Variants in SPARC observed in about 807,000 individuals in gnomAD.
SPARC encodes basement-membrane protein 40.
In SPARC, 23 loss-of-function variants were observed where a neutral mutation model predicts 37.7. The ratio of observed to expected loss-of-function variants is 0.61; its 90% CI spans 0.44 to 0.87. The LOEUF (loss-of-function observed/expected upper bound fraction) is 0.87. Among genes scored for constraint, SPARC ranks in the 40% least tolerant of loss-of-function variants. The pLI is 0.00. For missense variants in SPARC, 312 were observed against 389.0 expected, an observed-to-expected ratio of 0.80 and a Z score of 1.66; for synonymous variants, 155 against 150.8, an observed-to-expected ratio of 1.03 and a Z score of -0.20.
At chr5:151,668,422 G>A (rs1022106406) in intron 6 of SPARC, among the ~76,000 whole-genome samples, 9 of 152,032 alleles carry the variant, frequency 5.9e-5, no homozygotes, top group Non-Finnish European at 1.2e-4. Flanking sequence ...CAAAGTGCTG[G>A]GATTACAGGC....
chr5:151,663,892 G>C (rs1760566640), intron 9 of SPARC, among the ~76,000 whole-genome samples, 195 bp downstream of exon 9: 1 of 152,220 alleles, frequency 6.6e-6, no homozygotes, highest in Non-Finnish European at 1.5e-5. Flanking sequence ...GAAAGAGAGA[G>C]GGACAGTTGG....
At chr5:151,686,771 C>T (rs1007581195) in intron 1 of SPARC, 94 bp downstream of exon 1, 4 of 152,344 alleles carry the variant, frequency 2.6e-5, no homozygotes, top group South Asian at 2.1e-4. Flanking sequence ...CTCAGCAGAG[C>T]TTCCCTCCCT....
chr5:151,665,505 C>T (rs1335308125), intron 8 of SPARC, among the ~76,000 whole-genome samples: 7 of 152,094 alleles, frequency 4.6e-5, no homozygotes, highest in Non-Finnish European at 8.8e-5. Context: ...GAGGAAGTTC[C>T]CTGAGTATGT....
At chr5:151,682,307 G>T (rs1189587519) in intron 1 of SPARC, among the ~76,000 whole-genome samples, 2 of 152,216 alleles carry the variant, frequency 1.3e-5, no homozygotes, top group Non-Finnish European at 2.9e-5. Flanking sequence ...TTTCACTGTG[G>T]CTAGCAGAGG....
Position 151,671,566 on chromosome 5 carries a change from C to A in SPARC, c.330+7G>T. 6.4e-7 allele frequency: 1 copy of A among 1,566,340 alleles called. No individual in the cohort carries two copies. On this transcript the variant is annotated splice_region_variant and intron_variant, in intron 5 of 9. Coordinates refer to ENST00000231061, the MANE Select transcript of SPARC (RefSeq NM_003118.4). ...CCTTCCCCCTGCCCCTGTCTCTCAG[C>A]CCTCACCTTCTCAAACTCGCCAATG...
chr5:151,673,087 A>C (rs767312718), intron 4 of SPARC, 42 bp downstream of exon 4: 2 of 1,444,738 alleles, frequency 1.4e-6, no homozygotes, highest in Non-Finnish European at 2.0e-6. Flanking sequence ...CCAGGCAGCC[A>C]AGGGCAGCTT....
chr5:151,667,676 C>T (rs1438451874), intron 6 of SPARC, 76 bp from the exon 7 acceptor site: 2 of 1,529,788 alleles, frequency 1.3e-6, no homozygotes, highest in African/African-American at 2.7e-5. Context: ...CCCACCCACC[C>T]ACATACCACC....
At chr5:151,684,635 T>G (rs1224714723) in intron 1 of SPARC, among the ~76,000 whole-genome samples, 1 of 149,378 alleles carries the variant, frequency 6.7e-6, no homozygotes, top group Non-Finnish European at 1.5e-5. Flanking sequence ...CTGAGAATGA[T>G]TTCACTAGGT....
At chr5:151,672,784 G>A (rs756148067) in intron 4 of SPARC, 1 of 299,694 alleles carries the variant, frequency 3.3e-6, no homozygotes, top group Non-Finnish European at 6.4e-6. Flanking sequence ...CAGAAGCAAT[G>A]GGAGATTTCG....
chr5:151,667,090 T>C (rs1235790816), intron 7 of SPARC, among the ~76,000 whole-genome samples: 4 of 152,252 alleles, frequency 2.6e-5, no homozygotes, highest in Non-Finnish European at 5.9e-5. Context: ...CCTTGCTTTC[T>C]AGAGACACTG....
chr5:151,670,537 T>C (rs917524798), intron 5 of SPARC, among the ~76,000 whole-genome samples: 1 of 152,190 alleles, frequency 6.6e-6, no homozygotes, highest in Admixed American at 6.5e-5. Context: ...AGTGTCTTTT[T>C]CCCTTACGAT....
chr5:151,664,862 C>T (rs1163378647), intron 8 of SPARC, among the ~76,000 whole-genome samples: 1 of 152,118 alleles, frequency 6.6e-6, no homozygotes, highest in African/African-American at 2.4e-5. Flanking sequence ...GGATGTCTCT[C>T]CCACTGTCCT....
intron 7 of SPARC, 89 bp downstream of exon 7, chr5:151,667,378 G>A: frequency 6.6e-7 from 1 of 1,506,210 alleles, no homozygotes. Flanking sequence ...TCCGGAGCAG[G>A]ATGCCGCCCT....
intron 5 of SPARC, 44 bp from the exon 6 acceptor site, chr5:151,669,828 C>T (rs937329611): frequency 1.2e-6 from 2 of 1,610,876 alleles, no homozygotes; most frequent in Non-Finnish European, 1.7e-6. Flanking sequence ...TTCCCAAAGC[C>T]CTTCGCTGAT....
intron 4 of SPARC, chr5:151,672,852 G>T: frequency 2.2e-6 from 1 of 445,448 alleles, no homozygotes; most frequent in Non-Finnish European, 4.2e-6. Context: ...TTGGACTCAG[G>T]GCAAAGAGCT....
At chr5:151,674,358 A>G (rs1760812218) in intron 3 of SPARC, among the ~76,000 whole-genome samples, 1 of 152,150 alleles carries the variant, frequency 6.6e-6, no homozygotes, top group Non-Finnish European at 1.5e-5. Context: ...TCATGGAAGA[A>G]CAACTGTTGC....
chr5:151,671,402 G>A lies in SPARC; in HGVS notation c.330+171C>T, dbSNP rs1007655981. Among the ~76,000 whole-genome samples the A allele has an allele frequency of 5.3e-5, 8 of 152,228 alleles. No homozygotes were observed. The East Asian group carries it at 1.3e-3, about 26-fold the overall frequency. ...TGGTTGCTGAAAAGATCCAGTGCCA[G>A]GCAGAGCACTCTGACTCATCCCCTC... On this transcript the variant is annotated intron_variant, in intron 5 of 9. Transcript: ENST00000231061.
In SPARC at chr5:151,661,669, G is replaced by A. The variant is rs1760505238; in HGVS notation, c.*1902C>T. Reference sequence around the variant, plus strand: ...TTTGAAAAGTGCTCTGTAGTCTTATGATGATCTAGAAGAGCACTGTCCAAT... The same window carrying A: ...TTTGAAAAGTGCTCTGTAGTCTTATAATGATCTAGAAGAGCACTGTCCAAT... On this transcript the variant is annotated 3_prime_UTR_variant, in exon 10 of 10. Transcript: ENST00000231061. 1 of 152,126 alleles carries A rather than the reference G, an allele frequency of 6.6e-6. No homozygotes were observed. The highest frequency in any genetic ancestry group is 2.4e-5 in the African/African-American group (1 of 41,434). The allele number at this position is 152,126 out of a possible 1,614,324, so 9.4% of individuals were successfully genotyped here. A position where few individuals can be genotyped will look rare whatever the true frequency, so the allele number is the denominator to read the frequency against.
rs2304052 is a variant in SPARC at position 151,674,666 on chromosome 5, T to C, written c.66A>G (p.Glu22=). Reference sequence around the variant, plus strand: ...CCACCTCTGTCTCATCAGGCAGGGCTTCTTGCTGCTGTTGGAAAGAGAAAG... The same window carrying C: ...CCACCTCTGTCTCATCAGGCAGGGCCTCTTGCTGCTGTTGGAAAGAGAAAG... The part of the protein sequence containing the change: ...AGRALAAPQQ[E]ALPDETEVVE... Residue 22 remains glutamate (E), a synonymous_variant, in exon 3 of 10, where the codon GAA becomes GAG. Coordinates refer to ENST00000231061, the MANE Select transcript of SPARC (RefSeq NM_003118.4). 0.094 allele frequency: 152,048 copies of C among 1,613,444 alleles called. 12,123 individuals carry two copies. Among genetic ancestry groups the C allele is most frequent in the African/African-American group, 0.43 (32,126 of 74,896 alleles).
Sources: allele counts gnomAD v4.1 joint callset (sites outside exome capture counted in the v4.1 genomes callset), GRCh38; gene constraint gnomAD v4.1.1; transcripts MANE v1.5; gene names NCBI Gene and HGNC (gene_info 2026-07-23, HGNC 2026-07-21).